USH2A: variants seen among roughly 807,000 people sequenced by gnomAD.
The protein encoded by USH2A is usherin.
A neutral mutation model predicts 538.9 loss-of-function variants in USH2A; 443 were observed. The ratio of observed to expected loss-of-function variants is 0.82; its 90% CI spans 0.76 to 0.89. USH2A has a LOEUF of 0.89. Among genes scored for constraint, USH2A ranks in the 40% least tolerant of loss-of-function variants. USH2A has a pLI of 0.00. For missense variants in USH2A, 6,633 were observed against 6,324.8 expected, an observed-to-expected ratio of 1.05 and a Z score of -1.65; for synonymous variants, 2,413 against 2,273.5, an observed-to-expected ratio of 1.06 and a Z score of -1.75.
At chr1:216,336,687 G>T (rs1408176300) in intron 4 of USH2A, among the ~76,000 whole-genome samples, 1 of 151,404 alleles carries the variant, frequency 6.6e-6, no homozygotes, top group African/African-American at 2.4e-5. Flanking sequence ...TTCTTTCCAA[G>T]AACGGTCCTG....
chr1:215,828,703 G>A lies in USH2A; in HGVS notation c.9371+9288C>T, dbSNP rs184913145. On this transcript the variant is annotated intron_variant, in intron 47 of 71. Transcript: ENST00000307340. Reference sequence around the variant, plus strand: ...ATTTGGATGTGAAAAAACTGCCATGGTTCCAATTAAAGACATTAAAAGACA... The same window carrying A: ...ATTTGGATGTGAAAAAACTGCCATGATTCCAATTAAAGACATTAAAAGACA... Among the ~76,000 whole-genome samples the A allele has an allele frequency of 1.5e-3, 222 of 152,212 alleles. 1 individual carries two copies. The highest frequency in any genetic ancestry group is 5.0e-3 in the African/African-American group (208 of 41,542).
chr1:216,260,974 C>T (rs2036357891), intron 11 of USH2A, among the ~76,000 whole-genome samples: 1 of 152,170 alleles, frequency 6.6e-6, no homozygotes, highest in Admixed American at 6.5e-5. Context: ...CTTTTAACCT[C>T]TGCAAAGTAA....
chr1:215,651,716 A>G (rs536411975), intron 64 of USH2A, among the ~76,000 whole-genome samples: 2 of 151,310 alleles, frequency 1.3e-5, no homozygotes, highest in East Asian at 1.9e-4. Context: ...TTTGTGGGGG[A>G]AAAAAAGAAA....
At chr1:216,289,118 C>T (rs1049391391) in intron 11 of USH2A, among the ~76,000 whole-genome samples, 162 bp downstream of exon 11, 3 of 152,144 alleles carry the variant, frequency 2.0e-5, no homozygotes, top group Non-Finnish European at 4.4e-5. Context: ...TATTTCATGT[C>T]CATACTCAAA....
intron 44 of USH2A, among the ~76,000 whole-genome samples, chr1:215,862,103 G>T (rs770012840): frequency 7.0e-4 from 106 of 152,122 alleles, no homozygotes; most frequent in Middle Eastern, 3.2e-3. Flanking sequence ...CTCCCAAAGT[G>T]CTGGGATTAC....
At chr1:215,773,831 A>C (rs1223462747) in intron 55 of USH2A, among the ~76,000 whole-genome samples, 1 of 152,124 alleles carries the variant, frequency 6.6e-6, no homozygotes, top group Non-Finnish European at 1.5e-5. Flanking sequence ...TCAGCATTCT[A>C]CTTAGATCAA....
At chr1:216,412,871 T>C (rs2039512854) in intron 3 of USH2A, among the ~76,000 whole-genome samples, 1 of 152,012 alleles carries the variant, frequency 6.6e-6, no homozygotes, top group South Asian at 2.1e-4. Context: ...TTTTAAAATC[T>C]CTGTCATGGA....
chr1:215,690,061 G>A (rs990677202), intron 61 of USH2A, among the ~76,000 whole-genome samples: 4 of 152,192 alleles, frequency 2.6e-5, no homozygotes, highest in South Asian at 2.1e-4. Context: ...ATTACTCTTC[G>A]AAGTTGGTTG....
At chr1:215,664,312 ATATGT>A (rs1403483693) in intron 64 of USH2A, among the ~76,000 whole-genome samples, 2 of 152,184 alleles carry the variant, frequency 1.3e-5, no homozygotes, top group African/African-American at 4.8e-5. Context: ...TAGTGAATAA[ATATGT>A]TAGGTTTCAA....
intron 13 of USH2A, among the ~76,000 whole-genome samples, chr1:216,237,952 A>G (rs1012844440): frequency 5.9e-5 from 9 of 152,186 alleles, no homozygotes; most frequent in Non-Finnish European, 1.2e-4. Context: ...GTTAACCTAG[A>G]AAGTTGTCTC....
In USH2A at chr1:215,996,560, G is replaced by GT. The variant is rs753233925; in HGVS notation, c.6657+2326dup. On this transcript the variant is annotated intron_variant, in intron 34 of 71. Coordinates refer to ENST00000307340, the MANE Select transcript of USH2A (RefSeq NM_206933.4). ...TTTGTTGAGAGTAGCAACATATTAT[G>GT]TTTTTTTTTTTTTTTTTTTTTTTTT... Among the ~76,000 whole-genome samples, 62 of 51,722 alleles carry GT rather than the reference G, an allele frequency of 1.2e-3. 13 individuals carry two copies. Among genetic ancestry groups the GT allele is most frequent in the Non-Finnish European group, 1.4e-3 (46 of 31,970 alleles). The allele number at this position is 51,722 out of a possible 152,430, so 33.9% of individuals were successfully genotyped here.
chr1:216,018,059 C>A (rs1424081211), intron 32 of USH2A, among the ~76,000 whole-genome samples: 1 of 152,128 alleles, frequency 6.6e-6, no homozygotes, highest in Non-Finnish European at 1.5e-5. Context: ...GGATTAATTT[C>A]TCTTTTGTGC....
intron 15 of USH2A, among the ~76,000 whole-genome samples, chr1:216,209,137 T>C (rs1005962207): frequency 2.0e-5 from 3 of 152,212 alleles, no homozygotes; most frequent in South Asian, 2.1e-4. Context: ...GCTTGCTATG[T>C]TAACTCTTCT....
intron 3 of USH2A, among the ~76,000 whole-genome samples, chr1:216,382,740 A>T (rs548129963): frequency 6.6e-6 from 1 of 152,284 alleles, no homozygotes; most frequent in Admixed American, 6.5e-5. Context: ...ACCCAAATAA[A>T]GAGTCTGAAC....
intron 26 of USH2A, 116 bp from the exon 27 acceptor site, chr1:216,078,478 T>C: frequency 3.2e-6 from 3 of 924,386 alleles, no homozygotes; most frequent in Non-Finnish European, 5.1e-6. Context: ...CTGAAAGCAC[T>C]CTATAGAAAT....
At chr1:215,939,031 C>A (rs921154198) in intron 37 of USH2A, among the ~76,000 whole-genome samples, 1 of 152,092 alleles carries the variant, frequency 6.6e-6, no homozygotes, top group African/African-American at 2.4e-5. Context: ...AAACAGATGT[C>A]TCCTTATAGG....
intron 44 of USH2A, among the ~76,000 whole-genome samples, chr1:215,854,670 T>C (rs1664110005): frequency 6.6e-6 from 1 of 152,198 alleles, no homozygotes; most frequent in African/African-American, 2.4e-5. Flanking sequence ...CGGAGCTTTA[T>C]AGACTGGCTT....
chr1:216,360,007 A>C (rs1438227971), intron 4 of USH2A, among the ~76,000 whole-genome samples: 1 of 152,132 alleles, frequency 6.6e-6, no homozygotes, highest in East Asian at 1.9e-4. Context: ...ACAATTTTAC[A>C]GTTTCTTACA....
chr1:215,627,430 TTCCTTCCTTCCTTCC>T lies in USH2A; in HGVS notation c.15519+1369_15519+1383del, dbSNP rs1558027417. On this transcript the variant is annotated intron_variant, in intron 71 of 71. Transcript: ENST00000307340. ...CTTCCTTCCTTCCTTCCTTCCTTCC[TTCCTTCCTTCCTTCC>T]TTCCTTCCTTCCTTCCTTCCTTCCT... Among the ~76,000 whole-genome samples, 1,200 of 120,314 alleles carry T rather than the reference TTCCTTCCTTCCTTCC, an allele frequency of 1.0e-2. 49 individuals are homozygous for T. The highest frequency in any genetic ancestry group is 0.036 in the African/African-American group (1,103 of 30,308). 78.9% of individuals were successfully genotyped at this position (120,314 alleles called of 152,430 possible). A position where few individuals can be genotyped will look rare whatever the true frequency, so the allele number is the denominator to read the frequency against.
Sources: allele counts gnomAD v4.1 joint callset (sites outside exome capture counted in the v4.1 genomes callset), GRCh38; gene constraint gnomAD v4.1.1; transcripts MANE v1.5; gene names NCBI Gene and HGNC (gene_info 2026-07-23, HGNC 2026-07-21).